The following TMEM117 variants were observed in gnomAD, a reference collection of about 807,000 sequenced individuals.
TMEM117 encodes transmembrane protein 117.
TMEM117 carries 27 observed loss-of-function variants against 52.4 expected under a neutral mutation model. That is an observed-to-expected ratio of 0.51 (90% CI 0.38 to 0.71). TMEM117 has a LOEUF of 0.71. TMEM117 is among the 30% of genes least tolerant of loss of function. The pLI is 0.00. For synonymous variants in TMEM117, 215 were observed against 206.3 expected, an observed-to-expected ratio of 1.04 and a Z score of -0.36; for missense variants, 556 against 630.5, an observed-to-expected ratio of 0.88 and a Z score of 1.26.
At chr12:44,053,410 A>G (rs746252087) in intron 3 of TMEM117, among the ~76,000 whole-genome samples, 15 of 152,176 alleles carry the variant, frequency 9.9e-5, no homozygotes, top group Admixed American at 4.6e-4. Flanking sequence ...GCCCTCTCCA[A>G]CTGGTCTTTC....
intron 6 of TMEM117, among the ~76,000 whole-genome samples, chr12:44,324,769 C>T (rs1025874250): frequency 2.6e-5 from 4 of 152,132 alleles, no homozygotes; most frequent in Non-Finnish European, 5.9e-5. Context: ...ATGTCATTAA[C>T]TATTCTTTCC....
At chr12:44,254,879 A>G (rs113917736) in intron 5 of TMEM117, among the ~76,000 whole-genome samples, 8,885 of 151,782 alleles carry the variant, frequency 0.059, 339 homozygotes, top group African/African-American at 0.11. Flanking sequence ...TCATTGTTCA[A>G]TTCCCACCTA....
At chr12:44,212,105 C>T (rs776128642) in intron 5 of TMEM117, among the ~76,000 whole-genome samples, 1 of 152,176 alleles carries the variant, frequency 6.6e-6, no homozygotes. Context: ...TCCCCCTTAT[C>T]TATGGTTTTG....
chr12:44,307,193 G>A (rs1354019898), intron 6 of TMEM117, among the ~76,000 whole-genome samples: 1 of 152,176 alleles, frequency 6.6e-6, no homozygotes, highest in Non-Finnish European at 1.5e-5. Context: ...AGTCATTTCA[G>A]AGCATATGGC....
At chr12:44,120,311 A>C (rs1948212611) in intron 3 of TMEM117, among the ~76,000 whole-genome samples, 1 of 152,184 alleles carries the variant, frequency 6.6e-6, no homozygotes, top group Non-Finnish European at 1.5e-5. Flanking sequence ...GGCCACTGAA[A>C]ATTATCAAAG....
At chr12:44,243,744 T>G (rs1256278524) in intron 5 of TMEM117, among the ~76,000 whole-genome samples, 3 of 151,802 alleles carry the variant, frequency 2.0e-5, no homozygotes, top group African/African-American at 7.2e-5. Flanking sequence ...AACTGAAACT[T>G]TGAACCTTTT....
At chr12:44,081,535 A>T (rs1374440152) in intron 3 of TMEM117, among the ~76,000 whole-genome samples, 1 of 152,196 alleles carries the variant, frequency 6.6e-6, no homozygotes, top group African/African-American at 2.4e-5. Context: ...TTATACATTT[A>T]AAAACCTTAT....
intron 3 of TMEM117, among the ~76,000 whole-genome samples, chr12:44,116,887 A>T (rs1948153238): frequency 6.6e-6 from 1 of 151,690 alleles, no homozygotes; most frequent in South Asian, 2.1e-4. Context: ...TCTTTCCTTG[A>T]CTCTCTGCAG....
intron 3 of TMEM117, among the ~76,000 whole-genome samples, chr12:44,016,469 C>G (rs922928723): frequency 6.6e-6 from 1 of 152,146 alleles, no homozygotes; most frequent in Non-Finnish European, 1.5e-5. Context: ...CCCCTTTCCT[C>G]TTTCTTTCTT....
chr12:43,990,773 G>A (rs1412843987), intron 3 of TMEM117, among the ~76,000 whole-genome samples: 1 of 152,106 alleles, frequency 6.6e-6, no homozygotes, highest in Non-Finnish European at 1.5e-5. Context: ...AGGCATAAGA[G>A]ACCTGCCCAA....
chr12:44,011,605 G>C (rs755319818), intron 3 of TMEM117, among the ~76,000 whole-genome samples: 1 of 151,974 alleles, frequency 6.6e-6, no homozygotes, highest in African/African-American at 2.4e-5. Context: ...TCCTAGTCTT[G>C]AGTATGCCTT....
chr12:43,805,900 G>A, the TMEM117 span: 2 of 1,479,320 alleles, frequency 1.4e-6, no homozygotes, highest in African/African-American at 2.8e-5. Flanking sequence ...GTGACCAAAA[G>A]GGGGAAAGTT....
chr12:43,876,576 T>C (rs761059675), intron 2 of TMEM117, among the ~76,000 whole-genome samples: 50 of 152,334 alleles, frequency 3.3e-4, no homozygotes, highest in Non-Finnish European at 5.6e-4. Flanking sequence ...TTAGAATGAT[T>C]ATACAATTTC....
At chr12:43,903,613 A>G (rs966111875) in intron 2 of TMEM117, among the ~76,000 whole-genome samples, 1 of 152,248 alleles carries the variant, frequency 6.6e-6, no homozygotes, top group Admixed American at 6.5e-5. Context: ...GAGCATTTAT[A>G]GCCTAAGATG....
At chr12:44,190,661 A>T (rs1949338938) in intron 4 of TMEM117, among the ~76,000 whole-genome samples, 1 of 152,130 alleles carries the variant, frequency 6.6e-6, no homozygotes, top group Admixed American at 6.6e-5. Flanking sequence ...AAGCCAAAAA[A>T]GAAAAAAATA....
intron 6 of TMEM117, among the ~76,000 whole-genome samples, chr12:44,316,123 G>A (rs1050017305): frequency 6.6e-6 from 1 of 152,070 alleles, no homozygotes; most frequent in African/African-American, 2.4e-5. Context: ...TTATTAACTG[G>A]TTGCTTTGTA....
At chr12:44,209,360 C>G (rs758573414) in intron 4 of TMEM117, among the ~76,000 whole-genome samples, 4 of 152,046 alleles carry the variant, frequency 2.6e-5, no homozygotes, top group Non-Finnish European at 5.9e-5. Flanking sequence ...ATGGAAAATA[C>G]AATCCATGGG....
chr12:43,806,877 T>C, the TMEM117 span, among the ~76,000 whole-genome samples: 3 of 152,336 alleles, frequency 2.0e-5, no homozygotes, highest in Admixed American at 6.5e-5. Flanking sequence ...AGTGTATCTT[T>C]CTCTTCACTC....
At chr12:44,354,507 G>A (rs1414299511) in intron 6 of TMEM117, among the ~76,000 whole-genome samples, 2 of 152,160 alleles carry the variant, frequency 1.3e-5, no homozygotes, top group South Asian at 4.2e-4. Flanking sequence ...TGCAAGGCTG[G>A]TTCAACATAC....
Sources: allele counts gnomAD v4.1 joint callset (sites outside exome capture counted in the v4.1 genomes callset), GRCh38; gene constraint gnomAD v4.1.1; transcripts MANE v1.5; gene names NCBI Gene and HGNC (gene_info 2026-07-23, HGNC 2026-07-21).